The following ANKRD22 variants were observed in gnomAD, a reference collection of about 807,000 sequenced individuals.
The protein encoded by ANKRD22 is ankyrin repeat domain 22.
A neutral mutation model predicts 25.7 loss-of-function variants in ANKRD22; 24 were observed. The ratio of observed to expected loss-of-function variants is 0.93; its 90% CI spans 0.68 to 1.31. ANKRD22 has a LOEUF of 1.31. Among genes scored for constraint, ANKRD22 ranks in the 50% most tolerant of loss-of-function variants. The probability of loss-of-function intolerance (pLI) is 0.00; values close to 1 mark genes in which losing one functional copy is unlikely to be tolerated. For missense variants in ANKRD22, 214 were observed against 227.1 expected (o/e 0.94, Z 0.37); for synonymous variants, 84 against 84.3 (o/e 1.00, Z 0.02).
At position 88,822,161 on chromosome 10, in the gene ANKRD22, C is replaced by T. The variant is rs41317016; in HGVS notation, c.*780G>A. On this transcript the variant is annotated 3_prime_UTR_variant, in exon 6 of 6. Transcript: ENST00000371930. Reference sequence around the variant, plus strand: ...AAATCTCTAGTGGTATGCTGGTAAACGAACTTTATGGAAAGTAAAAAACAA... The same window carrying T: ...AAATCTCTAGTGGTATGCTGGTAAATGAACTTTATGGAAAGTAAAAAACAA... 3.3e-5 allele frequency: 5 copies of T among 152,126 alleles called. No individual in the cohort carries two copies. The highest frequency in any genetic ancestry group is 1.9e-4 in the East Asian group (1 of 5,192). The allele number at this position is 152,126 out of a possible 1,614,324, so 9.4% of individuals were successfully genotyped here.
At chr10:88,828,522 C>T (rs1360043837) in intron 3 of ANKRD22, 37 bp downstream of exon 3, 4 of 1,441,426 alleles carry the variant, frequency 2.8e-6, no homozygotes, top group Non-Finnish European at 2.9e-6. Context: ...CCATCGATCT[C>T]CACATTTGCC....
At position 88,822,548 on chromosome 10, in the gene ANKRD22, T is replaced by TGC. The variant is rs1304173952; in HGVS notation, c.*392_*393insGC. On this transcript the variant is annotated 3_prime_UTR_variant, in exon 6 of 6. Coordinates refer to ENST00000371930, the MANE Select transcript of ANKRD22 (RefSeq NM_144590.3). ...ACTGAGTTTGGAACACCAGGGCTTT[T>TGC]TTTTTTTTTTTTTTTTTTGAGACAG... 2 of 97,936 alleles carry TGC rather than the reference T, an allele frequency of 2.0e-5. No homozygotes were observed. Among genetic ancestry groups the TGC allele is most frequent in the Non-Finnish European group, 3.8e-5 (2 of 52,732 alleles). 6.1% of individuals were successfully genotyped at this position (97,936 alleles called of 1,614,324 possible). A position where few individuals can be genotyped will look rare whatever the true frequency, so the allele number is the denominator to read the frequency against.
chr10:88,829,673 T>A (rs200368692), intron 2 of ANKRD22, among the ~76,000 whole-genome samples: 1 of 49,812 alleles, frequency 2.0e-5, no homozygotes, highest in Non-Finnish European at 8.1e-5. Context: ...TTTTTAAACA[T>A]ATGATTGTAA....
intron 4 of ANKRD22, among the ~76,000 whole-genome samples, chr10:88,825,066 A>G (rs1378625643): frequency 6.6e-6 from 1 of 150,886 alleles, no homozygotes; most frequent in Non-Finnish European, 1.5e-5. Context: ...TAAACATGAT[A>G]CCAGCATAGG....
chr10:88,820,655 G>A lies in ANKRD22; in HGVS notation c.*2286C>T. Reference sequence around the variant, plus strand: ...ACACTTACATTTACATTTTTTTTCTGTAAATTAAAGTACTTATTAGGTAAA... The same window carrying A: ...ACACTTACATTTACATTTTTTTTCTATAAATTAAAGTACTTATTAGGTAAA... On this transcript the variant is annotated 3_prime_UTR_variant, in exon 6 of 6. Coordinates refer to ENST00000371930, the MANE Select transcript of ANKRD22 (RefSeq NM_144590.3). The A allele has an allele frequency of 1.5e-6, 1 of 686,120 alleles. No homozygotes were observed. The highest frequency in any genetic ancestry group is 2.4e-6 in the Non-Finnish European group (1 of 420,608). The allele number at this position is 686,120 out of a possible 1,614,324, so 42.5% of individuals were successfully genotyped here.
intron 1 of ANKRD22, among the ~76,000 whole-genome samples, chr10:88,838,817 A>G (rs1843978877): frequency 6.6e-6 from 1 of 152,194 alleles, no homozygotes; most frequent in South Asian, 2.1e-4. Flanking sequence ...ATCAGCAGCC[A>G]CCATAAGAGA....
rs186756532 is a variant in ANKRD22 at position 88,829,391 on chromosome 10, T to C, written c.214-725A>G. The stretch of plus-strand genomic sequence containing the variant: ...TGTACCTAAATAAGAACACTTTTTG[T>C]TTTTCTAATATGAAGGCATTTATAT... On this transcript the variant is annotated intron_variant, in intron 2 of 5. Transcript: ENST00000371930. Among the ~76,000 whole-genome samples, 208 of 152,340 alleles carry C rather than the reference T, an allele frequency of 1.4e-3. 3 individuals are homozygous for C. Among genetic ancestry groups the C allele is most frequent in the African/African-American group, 4.7e-3 (194 of 41,576 alleles).
chr10:88,843,377 AT>A (rs1242081405), intron 1 of ANKRD22, among the ~76,000 whole-genome samples: 1 of 152,172 alleles, frequency 6.6e-6, no homozygotes, highest in African/African-American at 2.4e-5. Context: ...CCACAAAACC[AT>A]AGTGCTAAAA....
chr10:88,825,007 T>TGTCA (rs1554832439), intron 4 of ANKRD22, among the ~76,000 whole-genome samples: 2 of 115,448 alleles, frequency 1.7e-5, no homozygotes, highest in Non-Finnish European at 2.0e-5. Context: ...TCTCTCTCTC[T>TGTCA]CTCTCACACA....
intron 1 of ANKRD22, among the ~76,000 whole-genome samples, chr10:88,835,509 G>C (rs544257520): frequency 2.0e-5 from 3 of 152,170 alleles, no homozygotes; most frequent in African/African-American, 7.2e-5. Context: ...TGGCTTCTAG[G>C]CTAAAAACCT....
intron 1 of ANKRD22, among the ~76,000 whole-genome samples, chr10:88,837,808 A>G (rs1843967752): frequency 6.6e-6 from 1 of 152,188 alleles, no homozygotes; most frequent in Non-Finnish European, 1.5e-5. Flanking sequence ...GTCTCACTAG[A>G]TCTGATAGTT....
chr10:88,836,758 C>A (rs1843957794), intron 1 of ANKRD22, among the ~76,000 whole-genome samples: 1 of 152,152 alleles, frequency 6.6e-6, no homozygotes. Context: ...CTTCTCCAAC[C>A]TGACCTAGAA....
At chr10:88,846,117 CT>C (rs1175921528) in intron 1 of ANKRD22, among the ~76,000 whole-genome samples, 7 of 151,808 alleles carry the variant, frequency 4.6e-5, no homozygotes, top group South Asian at 2.1e-4. Flanking sequence ...TCTGAAGGTA[CT>C]TTTTTTTGCG....
At chr10:88,825,636 C>T (rs1040247146) in intron 4 of ANKRD22, among the ~76,000 whole-genome samples, 3 of 152,158 alleles carry the variant, frequency 2.0e-5, no homozygotes, top group Middle Eastern at 3.2e-3. Flanking sequence ...CCCATTTTAC[C>T]GATGAGGACA....
chr10:88,834,323 C>T (rs953967894), intron 1 of ANKRD22, among the ~76,000 whole-genome samples: 4 of 152,072 alleles, frequency 2.6e-5, no homozygotes, highest in Non-Finnish European at 5.9e-5. Context: ...GGTATTTTAA[C>T]AAAATATGTA....
chr10:88,844,674 C>T (rs1470546353), intron 1 of ANKRD22, among the ~76,000 whole-genome samples: 1 of 150,654 alleles, frequency 6.6e-6, no homozygotes, highest in Non-Finnish European at 1.5e-5. Flanking sequence ...CCTTTTATGC[C>T]TTCTTATCTC....
Position 88,851,675 on chromosome 10 carries a change from T to C in ANKRD22, c.-68A>G, listed in dbSNP as rs1006374377. ...ATCTTCTGGAGGTATTTCTGATGAA[T>C]ATCAAAATCCTTCCTGGCTGAGAGG... On this transcript the variant is annotated 5_prime_UTR_variant, in exon 1 of 6. The change creates a new upstream start codon in the 5' untranslated region. Transcript: ENST00000371930. The C allele has an allele frequency of 1.1e-4, 170 of 1,576,764 alleles. No individual in the cohort carries two copies. Among genetic ancestry groups the C allele is most frequent in the Non-Finnish European group, 1.4e-4 (162 of 1,147,378 alleles).
chr10:88,823,164 G>A (rs1414017663), intron 5 of ANKRD22, 116 bp downstream of exon 5: 5 of 1,238,458 alleles, frequency 4.0e-6, no homozygotes, highest in African/African-American at 1.5e-5. Flanking sequence ...CCTTAATGAG[G>A]ATGATTAATT....
In ANKRD22 at chr10:88,828,641, G is replaced by A. The variant is rs1429115362; in HGVS notation, c.239C>T (p.Ala80Val). The A allele has an allele frequency of 6.2e-7, 1 of 1,606,120 alleles. No homozygotes were observed. Among genetic ancestry groups the A allele is most frequent in the Admixed American group, 1.7e-5 (1 of 59,024 alleles). The change falls in exon 3 of 6, where the codon GCT becomes GTT. Residue 80 changes from alanine (A) to valine (V), a missense_variant. Ala to Val is a moderately conservative substitution (Grantham distance 64). Coordinates refer to ENST00000371930, the MANE Select transcript of ANKRD22 (RefSeq NM_144590.3). ...NQKERTCLHY[A>V]VKKKFTFIDY... ...AATGAAGGTAAATTTTTTCTTCACAGCATAATGCAAGCAGGTTCTCTCTTT... is the reference window on the plus strand; with the variant it reads ...AATGAAGGTAAATTTTTTCTTCACAACATAATGCAAGCAGGTTCTCTCTTT...
Sources: gnomAD v4.1 joint callset for allele counts (sites outside exome capture counted in the v4.1 genomes callset) on GRCh38, gnomAD v4.1.1 for gene constraint, MANE v1.5 for transcripts, NCBI Gene and HGNC (gene_info 2026-07-23, HGNC 2026-07-21) for gene names.